Variants in MCC observed in about 807,000 individuals in gnomAD.
MCC encodes colorectal mutant cancer protein.
MCC carries 90 observed loss-of-function variants against 116.2 expected under a neutral mutation model. The ratio of observed to expected loss-of-function variants is 0.77; its 90% CI spans 0.65 to 0.92. The LOEUF (loss-of-function observed/expected upper bound fraction) is 0.92. MCC is among the 40% of genes least tolerant of loss of function. MCC has a pLI of 0.00. For synonymous variants in MCC, 578 were observed against 510.5 expected, an observed-to-expected ratio of 1.13 and a Z score of -1.78; for missense variants, 1,516 against 1,312.2, an observed-to-expected ratio of 1.16 and a Z score of -2.40.
At chr5:113,435,722 C>T (rs1452687730) in intron 1 of MCC, 2 of 152,390 alleles carry the variant, frequency 1.3e-5, no homozygotes, top group Non-Finnish European at 2.9e-5. Context: ...CTTCTTACAG[C>T]AGCTCTGTAG....
chr5:113,336,920 T>C (rs908674800), intron 3 of MCC, among the ~76,000 whole-genome samples: 5 of 152,244 alleles, frequency 3.3e-5, no homozygotes, highest in Non-Finnish European at 5.9e-5. Flanking sequence ...AAAGCTTATG[T>C]AGGAATCTCT....
At chr5:113,100,397 C>CT (rs1328964405) in intron 8 of MCC, among the ~76,000 whole-genome samples, 1 of 145,748 alleles carries the variant, frequency 6.9e-6, no homozygotes, top group Admixed American at 6.9e-5. Context: ...TTTACAAGGT[C>CT]TTTTTTATGG....
chr5:113,086,843 A>C (rs1326644391), intron 8 of MCC, among the ~76,000 whole-genome samples: 1 of 152,178 alleles, frequency 6.6e-6, no homozygotes, highest in African/African-American at 2.4e-5. Flanking sequence ...TGTGTACTAG[A>C]ATCCCCCAGA....
intron 1 of MCC, among the ~76,000 whole-genome samples, chr5:113,470,469 G>A (rs1019238637): frequency 7.9e-4 from 120 of 152,136 alleles, no homozygotes; most frequent in African/African-American, 2.7e-3. Context: ...ATGAAATTCT[G>A]GGTTGAAAAT....
At chr5:113,304,999 C>A (rs1448787555) in intron 3 of MCC, among the ~76,000 whole-genome samples, 1 of 149,066 alleles carries the variant, frequency 6.7e-6, no homozygotes, top group Non-Finnish European at 1.5e-5. Flanking sequence ...CGGCAGCTAC[C>A]CAAAAGGGGC....
At chr5:113,175,893 T>TA (rs567823382) in intron 3 of MCC, among the ~76,000 whole-genome samples, 21 of 146,594 alleles carry the variant, frequency 1.4e-4, no homozygotes, top group Admixed American at 2.1e-4. Flanking sequence ...AGATCTAGAT[T>TA]AAAAAAAAAA....
At chr5:113,445,626 TG>T (rs1771190263) in intron 1 of MCC, among the ~76,000 whole-genome samples, 1 of 152,172 alleles carries the variant, frequency 6.6e-6, no homozygotes. Context: ...TCCATGCTCA[TG>T]GATTGGAAAA....
chr5:113,378,147 C>A lies in MCC; in HGVS notation c.415+6821G>T, dbSNP rs573150304. ...TATCAAACCCAAATTCAGGAGGCTG[C>A]TTATTGTTTCTTTAAATCTGCCAAG... is the stretch of plus-strand genomic sequence containing the variant. On this transcript the variant is annotated intron_variant, in intron 2 of 18. Coordinates refer to ENST00000408903, the MANE Select transcript of MCC (RefSeq NM_001085377.2). 1.1e-4 allele frequency among the ~76,000 whole-genome samples: 17 copies of A among 152,258 alleles called. No individual in the cohort carries two copies. The South Asian group carries it at 3.5e-3, about 32-fold the overall frequency.
chr5:113,071,096 G>A lies in MCC; in HGVS notation c.1923C>T (p.Tyr641=), dbSNP rs763479890. 2 of 1,566,790 alleles carry A rather than the reference G, an allele frequency of 1.3e-6. No homozygotes were observed. Among genetic ancestry groups the A allele is most frequent in the Admixed American group, 3.6e-5 (2 of 55,526 alleles). ...NATALRLALQ[Y]SEQCIEAYEL... ...CAAACATCCCAGTGTGTGCCTACCT[G>A]TACTGCAAGGCCAGCCTCAGCGCTG... is the stretch of plus-strand genomic sequence containing the variant. Residue 641 remains tyrosine, a splice_region_variant and synonymous_variant, in exon 12 of 19, where the codon TAC becomes TAT. Coordinates refer to ENST00000408903, the MANE Select transcript of MCC (RefSeq NM_001085377.2).
At chr5:113,253,463 C>T (rs556470194) in intron 3 of MCC, among the ~76,000 whole-genome samples, 7 of 152,144 alleles carry the variant, frequency 4.6e-5, no homozygotes, top group Non-Finnish European at 1.0e-4. Context: ...CCCCATCCTG[C>T]TTGCTTCACC....
At chr5:113,317,578 G>A (rs1289370183) in intron 3 of MCC, among the ~76,000 whole-genome samples, 1 of 152,234 alleles carries the variant, frequency 6.6e-6, no homozygotes, top group East Asian at 1.9e-4. Context: ...AAACAAGGAG[G>A]TGAGTACATG....
chr5:113,045,432 T>A (rs1189899244), intron 16 of MCC, among the ~76,000 whole-genome samples: 2 of 152,154 alleles, frequency 1.3e-5, no homozygotes, highest in Admixed American at 1.3e-4. Flanking sequence ...AAAATCATTT[T>A]AAAAAGTCAA....
chr5:113,231,527 C>G (rs184602542), intron 3 of MCC, among the ~76,000 whole-genome samples: 1 of 152,144 alleles, frequency 6.6e-6, no homozygotes, highest in African/African-American at 2.4e-5. Flanking sequence ...TGATGTTTCA[C>G]CCATTAGTCA....
chr5:113,051,894 T>G (rs1315394329), intron 15 of MCC, among the ~76,000 whole-genome samples: 1 of 152,086 alleles, frequency 6.6e-6, no homozygotes, highest in African/African-American at 2.4e-5. Context: ...GATAATGGAT[T>G]TGGTATGGGT....
intron 6 of MCC, among the ~76,000 whole-genome samples, chr5:113,108,624 G>C (rs746230711): frequency 6.3e-5 from 9 of 143,150 alleles, no homozygotes; most frequent in Non-Finnish European, 1.2e-4. Flanking sequence ...TTGCACTCCA[G>C]CCTGGGCAAG....
chr5:113,334,537 T>A (rs116036835), intron 3 of MCC, among the ~76,000 whole-genome samples: 4,886 of 150,316 alleles, frequency 0.033, 172 homozygotes, highest in East Asian at 0.074. Flanking sequence ...TACACATTTT[T>A]AAAAAATCAG....
At chr5:113,264,586 G>A (rs1038832671) in intron 3 of MCC, among the ~76,000 whole-genome samples, 1 of 152,002 alleles carries the variant, frequency 6.6e-6, no homozygotes, top group Admixed American at 6.6e-5. Flanking sequence ...TACTCTAGGG[G>A]GCTGCAAACC....
intron 1 of MCC, among the ~76,000 whole-genome samples, chr5:113,475,327 T>C (rs554378036): frequency 1.9e-4 from 29 of 152,226 alleles, no homozygotes; most frequent in Non-Finnish European, 3.8e-4. Flanking sequence ...GAGAGTTACA[T>C]CAGACAAACA....
chr5:113,059,046 G>A (rs541524386), intron 14 of MCC, among the ~76,000 whole-genome samples: 1 of 152,046 alleles, frequency 6.6e-6, no homozygotes, highest in Non-Finnish European at 1.5e-5. Flanking sequence ...ACTGACAGGC[G>A]CTGCCACCCT....
Sources: allele counts gnomAD v4.1 joint callset (sites outside exome capture counted in the v4.1 genomes callset), GRCh38; gene constraint gnomAD v4.1.1; transcripts MANE v1.5; gene names NCBI Gene and HGNC (gene_info 2026-07-23, HGNC 2026-07-21).